CEP295: variants seen among roughly 807,000 people sequenced by gnomAD.
The protein encoded by CEP295 is centrosomal protein 295, also known as centrosomal protein of 295 kDa.
Under a neutral mutation model 291.6 loss-of-function variants are expected in CEP295, and 190 were observed. That is an observed-to-expected ratio of 0.65 (90% CI 0.58 to 0.73). The LOEUF (loss-of-function observed/expected upper bound fraction) is 0.73. Ranked by LOEUF, CEP295 falls within the 30% of genes least tolerant of loss-of-function variation. CEP295 has a pLI of 0.00. For missense variants in CEP295, 2,863 were observed against 2,949.4 expected (o/e 0.97, Z 0.68); for synonymous variants, 993 against 1,038.8 (o/e 0.96, Z 0.85).
chr11:93,697,144 A>G lies in CEP295; in HGVS notation c.2232A>G (p.Ile744Met). The change falls in exon 15 of 30, where the codon ATA becomes ATG. Residue 744 changes from isoleucine to methionine, a missense_variant. By Grantham distance (10) the Ile-to-Met change is conservative. Coordinates refer to ENST00000325212, the MANE Select transcript of CEP295 (RefSeq NM_033395.2). ...CTTTGTCACATGACAGGCAGCTAAT[A>G]TCACAGGATGCTAGAAAAATATCTG... The part of the protein sequence containing the change: ...SRALSHDRQL[I>M]SQDARKISET... The G allele has an allele frequency of 1.3e-6, 2 of 1,551,940 alleles. No homozygotes were observed. Among genetic ancestry groups the G allele is most frequent in the Non-Finnish European group, 8.7e-7 (1 of 1,147,058 alleles).
At chr11:93,691,857 G>T (rs1951569895) in intron 11 of CEP295, 70 bp from the exon 12 acceptor site, 1 of 1,288,076 alleles carries the variant, frequency 7.8e-7, no homozygotes, top group Non-Finnish European at 1.1e-6. Flanking sequence ...GATATATTAA[G>T]AAAGGGCATT....
rs771605891 is a variant in CEP295 at position 93,667,621 on chromosome 11, AAG to A, written c.127_128del (p.Asp43TyrfsTer61). 6.5e-7 allele frequency: 1 copy of A among 1,546,284 alleles called. No homozygotes were observed. The highest frequency in any genetic ancestry group is 1.2e-5 in the South Asian group (1 of 82,920). ...GCATTCTTTAGGTTCGAGAACAAGA[AAG>A]AGATATCGCCTTACAGATAAGAGAA... is the stretch of plus-strand genomic sequence containing the variant. ...LRLLQVREQE[R>X]DIALQIREDI... On this transcript the variant is annotated frameshift_variant, in exon 3 of 30. Transcript: ENST00000325212. LOFTEE classifies it high-confidence loss of function.
Position 93,721,987 on chromosome 11 carries a change from G to C in CEP295, c.5884G>C (p.Ala1962Pro). Residue 1962 changes from alanine to proline, a missense_variant, in exon 20 of 30, where the codon GCA (alanine) becomes CCA (proline). Physicochemically the swap from Ala to Pro is conservative, Grantham distance 27. Coordinates refer to ENST00000325212, the MANE Select transcript of CEP295 (RefSeq NM_033395.2). ...ACTGTCTTATGAACCATTATCTTCA[G>C]CAACTGTTTCCACTGGGAGCCTTTT... ...KTLSYEPLSSATVSTGSLLSY... is the reference protein window; with the variant it reads ...KTLSYEPLSSPTVSTGSLLSY... 1 of 1,594,970 alleles carries C rather than the reference G, an allele frequency of 6.3e-7. No individual in the cohort carries two copies. The highest frequency in any genetic ancestry group is 8.6e-7 in the Non-Finnish European group (1 of 1,168,810).
At chr11:93,720,834 C>T (rs532230081) in intron 18 of CEP295, among the ~76,000 whole-genome samples, 1 of 152,196 alleles carries the variant, frequency 6.6e-6, no homozygotes, top group East Asian at 1.9e-4. Context: ...TGCACTCAAG[C>T]GATCCACCTG....
rs759291637 is a variant in CEP295 at position 93,683,714 on chromosome 11, C to T, written c.921C>T (p.Ala307=). The change falls in exon 8 of 30, where the codon GCC becomes GCT. Residue 307 remains alanine (A), a synonymous_variant. Coordinates refer to ENST00000325212, the MANE Select transcript of CEP295 (RefSeq NM_033395.2). ...ACTGGCAGAGAGAATTGGAATTTGC[C>T]TTTGAAGATATGTACAATGCAGACA... is the stretch of plus-strand genomic sequence containing the variant. ...KEDWQRELEF[A]FEDMYNADRK... 13 of 1,545,914 alleles carry T rather than the reference C, an allele frequency of 8.4e-6. No individual in the cohort carries two copies. In the East Asian group the frequency reaches 2.0e-4, roughly 23 times the overall value.
chr11:93,713,969 T>C (rs1953076264), intron 18 of CEP295, among the ~76,000 whole-genome samples: 1 of 152,200 alleles, frequency 6.6e-6, no homozygotes. Context: ...AGTATGTCGA[T>C]TGCATTTTTC....
At chr11:93,665,478 C>T (rs1461364036) in intron 1 of CEP295, among the ~76,000 whole-genome samples, 1 of 152,168 alleles carries the variant, frequency 6.6e-6, no homozygotes, top group Non-Finnish European at 1.5e-5. Context: ...GAGGCTGAGG[C>T]AGGTGGATCA....
At chr11:93,721,268 A>T (rs751860888) in intron 18 of CEP295, 44 bp from the exon 19 acceptor site, 2 of 1,089,596 alleles carry the variant, frequency 1.8e-6, no homozygotes, top group Non-Finnish European at 2.8e-6. Flanking sequence ...TCTTATCCCA[A>T]CTATATTTTT....
intron 15 of CEP295, among the ~76,000 whole-genome samples, chr11:93,700,741 T>A (rs1421281348): frequency 2.0e-5 from 3 of 152,180 alleles, no homozygotes; most frequent in East Asian, 3.8e-4. Context: ...ATGTAGATTC[T>A]TATTTTAGAG....
In CEP295 at chr11:93,730,280, A is replaced by G; in HGVS notation, c.*11A>G. The G allele has an allele frequency of 1.3e-6, 2 of 1,531,134 alleles. No homozygotes were observed. Among genetic ancestry groups the G allele is most frequent in the Non-Finnish European group, 8.9e-7 (1 of 1,129,366 alleles). The allele number at this position is 1,531,134 out of a possible 1,614,324, so 94.8% of individuals were successfully genotyped here. A position where few individuals can be genotyped will look rare whatever the true frequency, so the allele number is the denominator to read the frequency against. ...AAAAATACATGCTGACTTTCTAGAA[A>G]TAGTGTAAAGGTTTTTTAATTGTGT... On this transcript the variant is annotated 3_prime_UTR_variant, in exon 30 of 30. Transcript: ENST00000325212.
At chr11:93,707,758 A>T (rs1049210684) in intron 18 of CEP295, among the ~76,000 whole-genome samples, 1 of 150,666 alleles carries the variant, frequency 6.6e-6, no homozygotes, top group Admixed American at 6.6e-5. Flanking sequence ...CTCCATCTGA[A>T]AAAAAAAAAG....
chr11:93,678,356 C>T (rs1950800986), intron 6 of CEP295, among the ~76,000 whole-genome samples: 1 of 152,054 alleles, frequency 6.6e-6, no homozygotes, highest in Non-Finnish European at 1.5e-5. Flanking sequence ...TTTAGTTTTG[C>T]ATGAATATTT....
intron 1 of CEP295, among the ~76,000 whole-genome samples, chr11:93,663,412 C>A (rs1416589581): frequency 6.6e-6 from 1 of 152,194 alleles, no homozygotes; most frequent in Non-Finnish European, 1.5e-5. Flanking sequence ...AGGTTTACTC[C>A]CATCTTAGCG....
At chr11:93,728,893 A>C (rs992404697) in intron 25 of CEP295, 72 bp downstream of exon 25, 1 of 1,342,552 alleles carries the variant, frequency 7.4e-7, no homozygotes, top group Admixed American at 2.5e-5. Flanking sequence ...ACAACTTATC[A>C]GAAGGTACTC....
chr11:93,681,740 C>T (rs1484836021), intron 7 of CEP295, among the ~76,000 whole-genome samples: 4 of 151,912 alleles, frequency 2.6e-5, no homozygotes, highest in African/African-American at 7.2e-5. Flanking sequence ...TTAGTAGAGA[C>T]GGGGTTTCAC....
At chr11:93,667,881 C>T in intron 3 of CEP295, 74 bp downstream of exon 3, 3 of 1,001,714 alleles carry the variant, frequency 3.0e-6, no homozygotes, top group African/African-American at 3.3e-5. Flanking sequence ...TTGTTGAATG[C>T]TTTTCTGATA....
Position 93,692,157 on chromosome 11 carries a change from CACAA to C in CEP295, c.1533+131_1533+134del, listed in dbSNP as rs1201124005. 4 of 601,798 alleles carry C rather than the reference CACAA, an allele frequency of 6.6e-6. No individual in the cohort carries two copies. The African/African-American group carries it at 7.5e-5, about 11-fold the overall frequency. The allele number at this position is 601,798 out of a possible 1,614,324, so 37.3% of individuals were successfully genotyped here. Reference sequence around the variant, plus strand: ...ATATCATGTTTTTGACATTGTCTTACACAAACATTCAGCTGATAAAATGCGTGTT... The same window carrying C: ...ATATCATGTTTTTGACATTGTCTTACACATTCAGCTGATAAAATGCGTGTT... On this transcript the variant is annotated intron_variant, in intron 12 of 29. Coordinates refer to ENST00000325212, the MANE Select transcript of CEP295 (RefSeq NM_033395.2).
intron 10 of CEP295, 36 bp downstream of exon 10, chr11:93,687,901 C>A (rs1417506206): frequency 1.4e-6 from 2 of 1,440,288 alleles, no homozygotes; most frequent in East Asian, 2.5e-5. Flanking sequence ...TCTATAAACC[C>A]TTTTAAGTTG....
chr11:93,664,857 A>G (rs927754569), intron 1 of CEP295, among the ~76,000 whole-genome samples: 1 of 152,212 alleles, frequency 6.6e-6, no homozygotes, highest in African/African-American at 2.4e-5. Context: ...CCTGGTAGTT[A>G]TTTATTAAAT....
Sources: allele counts gnomAD v4.1 joint callset (sites outside exome capture counted in the v4.1 genomes callset), GRCh38; gene constraint gnomAD v4.1.1; transcripts MANE v1.5; gene names NCBI Gene and HGNC (gene_info 2026-07-23, HGNC 2026-07-21).